GLT8D2: variants seen among roughly 807,000 people sequenced by gnomAD.
GLT8D2 encodes the protein glycosyltransferase 8 domain containing 2.
In GLT8D2, 45 loss-of-function variants were observed where a neutral mutation model predicts 44.5. The observed-to-expected ratio is 1.01, with a 90% CI of 0.80 to 1.30. The LOEUF (loss-of-function observed/expected upper bound fraction) is 1.30. Among genes scored for constraint, GLT8D2 ranks in the 50% most tolerant of loss-of-function variants. GLT8D2 has a pLI of 0.00. For synonymous variants in GLT8D2, 156 were observed against 157.2 expected, an observed-to-expected ratio of 0.99 and a Z score of 0.06; for missense variants, 400 against 430.4, an observed-to-expected ratio of 0.93 and a Z score of 0.62.
chr12:104,014,324 G>A (rs915921959), intron 4 of GLT8D2: 4 of 698,624 alleles, frequency 5.7e-6, no homozygotes, highest in Non-Finnish European at 1.0e-5. Context: ...CACTGTATTT[G>A]AGCTGGGGCA....
chr12:103,997,813 G>A (rs1593529700), intron 6 of GLT8D2, among the ~76,000 whole-genome samples: 1 of 150,920 alleles, frequency 6.6e-6, no homozygotes. Context: ...AACTGCTGTA[G>A]TGGGAGTCAC....
intron 4 of GLT8D2, among the ~76,000 whole-genome samples, chr12:104,008,030 AG>A (rs1449623228): frequency 7.2e-5 from 11 of 152,192 alleles, no homozygotes; most frequent in African/African-American, 2.4e-4. Context: ...TCCCAGTCTC[AG>A]GTATGTCTTT....
Position 104,021,408 on chromosome 12 carries a change from T to A in GLT8D2, c.-80A>T, listed in dbSNP as rs1232467939. 1 of 152,310 alleles carries A rather than the reference T, an allele frequency of 6.6e-6. No homozygotes were observed. The highest frequency in any genetic ancestry group is 2.4e-5 in the African/African-American group (1 of 41,424). 9.4% of individuals were successfully genotyped at this position (152,310 alleles called of 1,614,324 possible). On this transcript the variant is annotated 5_prime_UTR_variant, in exon 2 of 11. Coordinates refer to ENST00000360814, the MANE Select transcript of GLT8D2 (RefSeq NM_001384711.1). ...GGCCCAGGGACTATTCAAGAACAGATGTCCAATACTCAGCTCACAATCTTC... is the reference window on the plus strand; with the variant it reads ...GGCCCAGGGACTATTCAAGAACAGAAGTCCAATACTCAGCTCACAATCTTC...
In GLT8D2 at chr12:104,019,121, T is replaced by C. The variant is rs960480965; in HGVS notation, c.19+509A>G. 3.9e-3 allele frequency among the ~76,000 whole-genome samples: 562 copies of C among 145,188 alleles called. 5 individuals carry two copies. Among genetic ancestry groups the C allele is most frequent in the African/African-American group, 0.013 (516 of 39,556 alleles). On this transcript the variant is annotated intron_variant, in intron 3 of 10. Coordinates refer to ENST00000360814, the MANE Select transcript of GLT8D2 (RefSeq NM_001384711.1). Reference sequence around the variant, plus strand: ...AAGTTCACTTCCACTTCTTCTTCTTTTTTTTTTTTTTTTTTTGTGTGTTTG... The same window carrying C: ...AAGTTCACTTCCACTTCTTCTTCTTCTTTTTTTTTTTTTTTTGTGTGTTTG...
upstream of GLT8D2, chr12:104,064,424 C>T: frequency 2.6e-6 from 2 of 783,218 alleles, no homozygotes; most frequent in Non-Finnish European, 3.7e-6. The surrounding 1 kb of genome is among the most constrained non-coding windows in gnomAD (Gnocchi z 7.3). Flanking sequence ...CCACTGCCCG[C>T]GGGCCTCCAG....
intron 8 of GLT8D2, 49 bp downstream of exon 8, chr12:103,996,686 G>T (rs1873463779): frequency 3.0e-6 from 4 of 1,328,308 alleles, no homozygotes; most frequent in Admixed American, 1.8e-5. Context: ...GGGAGAAGGG[G>T]CCAGAGTTGT....
chr12:104,044,094 A>G (rs1880842880), intron 1 of GLT8D2, among the ~76,000 whole-genome samples: 1 of 152,086 alleles, frequency 6.6e-6, no homozygotes, highest in Non-Finnish European at 1.5e-5. Context: ...TCATTACAGC[A>G]TCCTTCCATA....
intron 1 of GLT8D2, among the ~76,000 whole-genome samples, chr12:104,025,412 T>C (rs1237179224): frequency 1.3e-5 from 2 of 152,064 alleles, no homozygotes; most frequent in Non-Finnish European, 2.9e-5. Flanking sequence ...TTTTGCCATG[T>C]TGCCCAGGCT....
At chr12:104,045,931 GA>G (rs769532016) in intron 1 of GLT8D2, among the ~76,000 whole-genome samples, 1 of 137,048 alleles carries the variant, frequency 7.3e-6, no homozygotes, top group African/African-American at 2.6e-5. Context: ...AAGAAAGAAA[GA>G]AAGAAAAAGA....
chr12:103,991,647 C>T (rs1872748247), intron 10 of GLT8D2, among the ~76,000 whole-genome samples: 1 of 152,018 alleles, frequency 6.6e-6, no homozygotes, highest in African/African-American at 2.4e-5. Flanking sequence ...GATATTTGAC[C>T]TAATGTTGAA....
At chr12:104,030,403 CAT>C (rs1465741204) in intron 1 of GLT8D2, among the ~76,000 whole-genome samples, 4 of 151,680 alleles carry the variant, frequency 2.6e-5, no homozygotes, top group Admixed American at 6.6e-5. Flanking sequence ...TTAATAATAA[CAT>C]AATTAAATGT....
intron 1 of GLT8D2, among the ~76,000 whole-genome samples, chr12:104,045,044 C>T (rs554826857): frequency 2.0e-5 from 3 of 152,212 alleles, no homozygotes; most frequent in African/African-American, 4.8e-5. Context: ...CTGAGGACAG[C>T]GACTGTGGCT....
At chr12:104,057,871 GT>G (rs1421407865) in intron 1 of GLT8D2, among the ~76,000 whole-genome samples, 2 of 151,922 alleles carry the variant, frequency 1.3e-5, no homozygotes, top group Non-Finnish European at 2.9e-5. Flanking sequence ...GCACTAGATG[GT>G]GCTGAAACCC....
chr12:104,025,028 C>A (rs1489380688), intron 1 of GLT8D2, among the ~76,000 whole-genome samples: 1 of 144,754 alleles, frequency 6.9e-6, no homozygotes, highest in East Asian at 2.0e-4. Context: ...CGAGATTGTG[C>A]CACTGCACTC....
intron 1 of GLT8D2, among the ~76,000 whole-genome samples, chr12:104,041,275 G>A (rs949030502): frequency 2.6e-5 from 4 of 152,104 alleles, no homozygotes; most frequent in East Asian, 3.9e-4. Flanking sequence ...TTAGCTGGGC[G>A]TGGTGACAGG....
intron 3 of GLT8D2, 68 bp from the exon 4 acceptor site, chr12:104,015,173 A>C (rs1593543115): frequency 2.4e-6 from 3 of 1,233,574 alleles, no homozygotes; most frequent in Non-Finnish European, 3.5e-6. Context: ...AAAGTTTAGA[A>C]TGGTAGTGCG....
intron 1 of GLT8D2, among the ~76,000 whole-genome samples, chr12:104,058,868 T>C (rs755942220): frequency 3.1e-4 from 47 of 152,168 alleles, no homozygotes; most frequent in Non-Finnish European, 2.9e-5. Flanking sequence ...GGGGGATACA[T>C]TCAAAGACCC....
chr12:104,056,382 T>G (rs1205724209), intron 1 of GLT8D2, among the ~76,000 whole-genome samples: 1 of 152,234 alleles, frequency 6.6e-6, no homozygotes, highest in Non-Finnish European at 1.5e-5. Flanking sequence ...CAATTGAGAT[T>G]AAAGACATTG....
intron 1 of GLT8D2, among the ~76,000 whole-genome samples, chr12:104,045,000 A>G (rs1880932923): frequency 6.6e-6 from 1 of 152,204 alleles, no homozygotes; most frequent in African/African-American, 2.4e-5. Context: ...ATATTTCAGC[A>G]TATCTATCTT....
Sources: allele counts gnomAD v4.1 joint callset (sites outside exome capture counted in the v4.1 genomes callset), GRCh38; gene constraint gnomAD v4.1.1; non-coding constraint Gnocchi (gnomAD v3.1); transcripts MANE v1.5; gene names NCBI Gene and HGNC (gene_info 2026-07-23, HGNC 2026-07-21).